The following DNAH9 variants were observed in gnomAD, a reference collection of about 807,000 sequenced individuals.
DNAH9 encodes the protein dynein axonemal heavy chain 9.
Under a neutral mutation model 471.6 loss-of-function variants are expected in DNAH9, and 345 were observed. The observed-to-expected ratio is 0.73, with a 90% CI of 0.67 to 0.80. The LOEUF (loss-of-function observed/expected upper bound fraction) is 0.80, where lower values mean the gene tolerates loss of function less well. Ranked by LOEUF, DNAH9 falls within the 30% of genes least tolerant of loss-of-function variation. The pLI, the probability that DNAH9 is intolerant of heterozygous loss-of-function variation, is 0.00. For synonymous variants in DNAH9, 2,093 were observed against 2,123.6 expected, an observed-to-expected ratio of 0.99 and a Z score of 0.40; for missense variants, 5,407 against 5,609.2, an observed-to-expected ratio of 0.96 and a Z score of 1.15.
intron 62 of DNAH9, among the ~76,000 whole-genome samples, chr17:11,926,559 C>T (rs1974336374): frequency 6.6e-6 from 1 of 152,160 alleles, no homozygotes; most frequent in South Asian, 2.1e-4. Context: ...CTTCCAGCTC[C>T]ATTCATTTCC....
At chr17:11,761,260 T>C (rs143503088) in intron 35 of DNAH9, among the ~76,000 whole-genome samples, 1 of 152,300 alleles carries the variant, frequency 6.6e-6, no homozygotes, top group Non-Finnish European at 1.5e-5. Flanking sequence ...AATGGAGGCT[T>C]CTGCCCCACC....
chr17:11,831,241 A>C (rs545460561), intron 48 of DNAH9, among the ~76,000 whole-genome samples: 3 of 152,284 alleles, frequency 2.0e-5, no homozygotes, highest in African/African-American at 7.2e-5. Flanking sequence ...CATGGCACCA[A>C]TGTCTGCATC....
chr17:11,692,493 T>C (rs533491338), intron 20 of DNAH9, among the ~76,000 whole-genome samples: 4 of 152,296 alleles, frequency 2.6e-5, no homozygotes, highest in South Asian at 4.1e-4. Context: ...CAAAGGAGTA[T>C]ATTTGCTGAG....
chr17:11,828,530 T>C (rs576196423), intron 48 of DNAH9, among the ~76,000 whole-genome samples: 1 of 151,990 alleles, frequency 6.6e-6, no homozygotes, highest in South Asian at 2.1e-4. Context: ...ATTTGTTGAA[T>C]GAATAAATTA....
In DNAH9 at chr17:11,729,866, C is replaced by T. The variant is rs77297720; in HGVS notation, c.5814+1944C>T. Among the ~76,000 whole-genome samples, 443 of 152,276 alleles carry T rather than the reference C, an allele frequency of 2.9e-3. 1 individual carries two copies. The highest frequency in any genetic ancestry group is 4.3e-3 in the Non-Finnish European group (292 of 68,012). ...GCTGTGGGTGGGGCACTGAAGCAAA[C>T]GCAAAGCTGAACAGCAGTAGGGCTC... On this transcript the variant is annotated intron_variant, in intron 28 of 68. Transcript: ENST00000262442.
Position 11,669,628 on chromosome 17 carries a change from G to T in DNAH9, c.3187G>T (p.Asp1063Tyr), listed in dbSNP as rs778569122. 1 of 1,614,112 alleles carries T rather than the reference G, an allele frequency of 6.2e-7. No individual in the cohort carries two copies. Among genetic ancestry groups the T allele is most frequent in the Admixed American group, 1.7e-5 (1 of 60,004 alleles). The change falls in exon 17 of 69, where the codon GAC becomes TAC. Residue 1063 changes from aspartate to tyrosine, a missense_variant. Asp to Tyr is a radical substitution (Grantham distance 160, BLOSUM62 -3). Around this residue, in one of 3 missense-constraint regions of DNAH9, gnomAD observed 4,636 missense variants for 4,900.3 expected, o/e 0.95. Transcript: ENST00000262442. ...CCTTTCTCAGTTTAAAGTGCAAATCGACTCCTATGAAACGCTCTATGAAGA... is the reference window on the plus strand; with the variant it reads ...CCTTTCTCAGTTTAAAGTGCAAATCTACTCCTATGAAACGCTCTATGAAGA... ...PLLSQFKVQI[D>Y]SYETLYEEVC...
intron 45 of DNAH9, among the ~76,000 whole-genome samples, chr17:11,821,079 C>T (rs1056358403): frequency 4.0e-5 from 6 of 151,892 alleles, no homozygotes; most frequent in South Asian, 4.2e-4. Flanking sequence ...GTCGGGAGTT[C>T]GAGACCAAGC....
At chr17:11,861,320 C>A (rs1181814863) in intron 50 of DNAH9, among the ~76,000 whole-genome samples, 1 of 151,622 alleles carries the variant, frequency 6.6e-6, no homozygotes, top group African/African-American at 2.4e-5. Context: ...TGATGATTTC[C>A]AATTTCATCC....
intron 43 of DNAH9, among the ~76,000 whole-genome samples, chr17:11,801,560 G>A (rs907846994): frequency 3.9e-5 from 6 of 152,088 alleles, no homozygotes; most frequent in South Asian, 2.1e-4. Context: ...TGGTGGCAGC[G>A]TGCACCTGAA....
Position 11,666,487 on chromosome 17 carries a change from G to A in DNAH9, c.2731+1519G>A, listed in dbSNP as rs139002274. Reference sequence around the variant, plus strand: ...TTCCTTCGCTTTGTGGAAATAGGAGGACAGGGGAACACATTTTCTTCACAA... The same window carrying A: ...TTCCTTCGCTTTGTGGAAATAGGAGAACAGGGGAACACATTTTCTTCACAA... On this transcript the variant is annotated intron_variant, in intron 15 of 68. Coordinates refer to ENST00000262442, the MANE Select transcript of DNAH9 (RefSeq NM_001372.4). Among the ~76,000 whole-genome samples the A allele has an allele frequency of 4.6e-5, 7 of 152,284 alleles. No homozygotes were observed. The East Asian group carries it at 1.4e-3, about 29-fold the overall frequency.
chr17:11,720,845 A>G (rs539074480), intron 27 of DNAH9, among the ~76,000 whole-genome samples: 3 of 152,288 alleles, frequency 2.0e-5, no homozygotes, highest in South Asian at 2.1e-4. Context: ...ATTTTAGCAC[A>G]GTTGCTTTTA....
intron 19 of DNAH9, among the ~76,000 whole-genome samples, chr17:11,682,229 G>C (rs1465863799): frequency 6.6e-6 from 1 of 151,912 alleles, no homozygotes; most frequent in East Asian, 2.0e-4. Flanking sequence ...CTTACTCTCT[G>C]TAACTCCAAG....
At chr17:11,784,725 T>G (rs1340487411) in intron 41 of DNAH9, among the ~76,000 whole-genome samples, 186 bp downstream of exon 41, 1 of 152,134 alleles carries the variant, frequency 6.6e-6, no homozygotes, top group African/African-American at 2.4e-5. Flanking sequence ...CTCAATAAAA[T>G]AGAGTTTCCT....
At chr17:11,616,671 T>C (rs2072751984) in intron 4 of DNAH9, among the ~76,000 whole-genome samples, 1 of 152,200 alleles carries the variant, frequency 6.6e-6, no homozygotes, top group African/African-American at 2.4e-5. Flanking sequence ...GTTATGTCTC[T>C]ATGCTCTGTG....
At chr17:11,661,804 G>T (rs1464339897) in intron 14 of DNAH9, among the ~76,000 whole-genome samples, 1 of 151,868 alleles carries the variant, frequency 6.6e-6, no homozygotes, top group Admixed American at 6.6e-5. Context: ...CTATTAATAT[G>T]CATATTGAGC....
At chr17:11,822,649 C>T (rs777822902) in intron 47 of DNAH9, 50 bp downstream of exon 47, 1 of 1,606,000 alleles carries the variant, frequency 6.2e-7, no homozygotes, top group East Asian at 2.2e-5. Flanking sequence ...GATGAGGGTA[C>T]AATGAATTCC....
intron 61 of DNAH9, among the ~76,000 whole-genome samples, chr17:11,913,239 G>A (rs2151020986): frequency 6.6e-6 from 1 of 152,274 alleles, no homozygotes; most frequent in Middle Eastern, 3.4e-3. Flanking sequence ...CAGTGATGAA[G>A]CCATCTGGGC....
chr17:11,880,418 A>G (rs1972674197), intron 54 of DNAH9, among the ~76,000 whole-genome samples: 1 of 152,302 alleles, frequency 6.6e-6, no homozygotes, highest in Middle Eastern at 3.4e-3. Context: ...TCCATCAGCC[A>G]GTGTCCCAAC....
chr17:11,646,954 A>C (rs753610615), intron 11 of DNAH9, 118 bp from the exon 12 acceptor site: 19 of 998,432 alleles, frequency 1.9e-5, no homozygotes, highest in Non-Finnish European at 2.6e-5. Flanking sequence ...TCAGAAGCTG[A>C]CCCAGCCTGG....
Sources: allele counts gnomAD v4.1 joint callset (sites outside exome capture counted in the v4.1 genomes callset), GRCh38; gene constraint gnomAD v4.1.1; regional missense constraint gnomAD v4.1.1; transcripts MANE v1.5; gene names NCBI Gene and HGNC (gene_info 2026-07-23, HGNC 2026-07-21).